CDC25B: variants seen among roughly 807,000 people sequenced by gnomAD.
CDC25B encodes cell division cycle 25B, also known as M-phase inducer phosphatase 2.
CDC25B carries 33 observed loss-of-function variants against 69.8 expected under a neutral mutation model. The observed-to-expected ratio is 0.47, with a 90% confidence interval of 0.36 to 0.63. The LOEUF is 0.63. CDC25B is among the 30% of genes least tolerant of loss of function. CDC25B has a pLI of 0.00. For synonymous variants in CDC25B, 341 were observed against 314.6 expected, an observed-to-expected ratio of 1.08 and a Z score of -0.89; for missense variants, 727 against 809.1, an observed-to-expected ratio of 0.90 and a Z score of 1.23.
chr20:3,797,617 C>T lies in CDC25B; in HGVS notation c.201-5C>T, dbSNP rs1323879631. On this transcript the variant is annotated splice_region_variant and splice_polypyrimidine_tract_variant and intron_variant, in intron 1 of 15. Coordinates refer to ENST00000245960, the MANE Select transcript of CDC25B (RefSeq NM_021873.4). ...TCCTTTCCCGGGTCCCTGTTCCCTT[C>T]CCAGCGAAACCCCAAAGAGTCAGGT... The T allele has an allele frequency of 6.2e-7, 1 of 1,614,054 alleles. No individual in the cohort carries two copies. The highest frequency in any genetic ancestry group is 2.2e-5 in the East Asian group (1 of 44,882).
chr20:3,804,878 C>T lies in CDC25B; in HGVS notation c.1660C>T (p.Leu554=), dbSNP rs1475866511. 1 of 1,614,214 alleles carries T rather than the reference C, an allele frequency of 6.2e-7. No homozygotes were observed. Among genetic ancestry groups the T allele is most frequent in the African/African-American group, 1.3e-5 (1 of 75,076 alleles). Residue 554 remains leucine, a synonymous_variant, in exon 16 of 16, where the codon CTA becomes TTA. Transcript: ENST00000245960. ...GAACCACGAGGCCTTCAAGGATGAGCTAAAGACCTTCCGCCTCAAGACTCG... is the reference window on the plus strand; with the variant it reads ...GAACCACGAGGCCTTCAAGGATGAGTTAAAGACCTTCCGCCTCAAGACTCG... ...PMNHEAFKDE[L]KTFRLKTRSW...
chr20:3,788,160 A>AAGAAAGAC (rs2088856264), intron 1 of CDC25B, among the ~76,000 whole-genome samples: 1 of 151,686 alleles, frequency 6.6e-6, no homozygotes. Flanking sequence ...GAAAGAAAGA[A>AAGAAAGAC]AGAACCAAAT....
Position 3,796,433 on chromosome 20 carries a change from C to T in CDC25B, c.-99C>T. On this transcript the variant is annotated 5_prime_UTR_variant, in exon 1 of 16. Transcript: ENST00000245960. ...CCTCCCTCCTTCCCCCCCCCCCCAC[C>T]CCTCGCCCGCTGCCTCCCTCGGCCC... 1 of 511,500 alleles carries T rather than the reference C, an allele frequency of 2.0e-6. No individual in the cohort carries two copies. Among genetic ancestry groups the T allele is most frequent in the Middle Eastern group, 9.5e-4 (1 of 1,056 alleles). 31.7% of individuals were successfully genotyped at this position (511,500 alleles called of 1,614,324 possible).
chr20:3,797,649 C>A lies in CDC25B; in HGVS notation c.228C>A (p.Thr76=), dbSNP rs2089108761. 2 of 1,614,060 alleles carry A rather than the reference C, an allele frequency of 1.2e-6. No individual in the cohort carries two copies. The highest frequency in any genetic ancestry group is 8.5e-7 in the Non-Finnish European group (1 of 1,180,036). ...GSETPKSQVG[T]LLFRSRSRLT... ...AAACCCCAAAGAGTCAGGTAGGGAC[C>A]CTGCTCTTCCGCAGCCGCAGCCGCC... The change falls in exon 2 of 16, where the codon ACC becomes ACA. Residue 76 remains threonine, a synonymous_variant. Coordinates refer to ENST00000245960, the MANE Select transcript of CDC25B (RefSeq NM_021873.4).
chr20:3,788,741 CTTGT>C (rs1047107080), intron 1 of CDC25B, among the ~76,000 whole-genome samples: 12 of 151,778 alleles, frequency 7.9e-5, no homozygotes, highest in African/African-American at 2.7e-4. Flanking sequence ...CATCCTTTTC[CTTGT>C]TTCTTTCCTT....
At chr20:3,800,222 C>T in intron 3 of CDC25B, 66 bp from the exon 4 acceptor site, 4 of 1,523,152 alleles carry the variant, frequency 2.6e-6, no homozygotes, top group Non-Finnish European at 3.6e-6. Context: ...GACTGGGGGC[C>T]TGGTGCTGGG....
chr20:3,802,984 T>A lies in CDC25B; in HGVS notation c.1257+12T>A. ...TCTCACCAGAAACGGTAAACAGCGT[T>A]GCGTCATTTTCTAGGCAGATTTGGG... On this transcript the variant is annotated intron_variant, in intron 12 of 15. Transcript: ENST00000245960. The A allele has an allele frequency of 6.2e-7, 1 of 1,612,996 alleles. No homozygotes were observed. The highest frequency in any genetic ancestry group is 8.5e-7 in the Non-Finnish European group (1 of 1,179,006).
chr20:3,794,443 A>G (rs1399229714), upstream of CDC25B, among the ~76,000 whole-genome samples: 4 of 115,192 alleles, frequency 3.5e-5, no homozygotes, highest in Non-Finnish European at 6.7e-5. Context: ...CCCTGTGCAG[A>G]TGTATATTGG....
chr20:3,791,746 G>A (rs1363705339), upstream of CDC25B, among the ~76,000 whole-genome samples: 2 of 152,138 alleles, frequency 1.3e-5, no homozygotes, highest in Admixed American at 1.3e-4. Flanking sequence ...AATTCATCTT[G>A]TAGATAGCAC....
intron 3 of CDC25B, 82 bp from the exon 4 acceptor site, chr20:3,800,206 C>A (rs2089223524): frequency 1.8e-6 from 1 of 565,466 alleles, no homozygotes. Context: ...CCCTTACTCC[C>A]CCCTGGACTG....
In CDC25B at chr20:3,801,736, T is replaced by C; in HGVS notation, c.855T>C (p.Val285=). The stretch of plus-strand genomic sequence containing the variant: ...TCTGGCCTCAGGATGATGATGCAGT[T>C]CCCCCAGGCATGGAGAGTCTCATTA... The part of the protein sequence containing the change: ...LESDLKDDDA[V]PPGMESLISA... The change falls in exon 9 of 16, where the codon GTT becomes GTC. Residue 285 remains valine (V), a synonymous_variant. Transcript: ENST00000245960. 6.2e-7 allele frequency: 1 copy of C among 1,603,476 alleles called. No individual in the cohort carries two copies. Among genetic ancestry groups the C allele is most frequent in the Non-Finnish European group, 8.5e-7 (1 of 1,175,704 alleles).
At chr20:3,792,295 T>C (rs1304498365), upstream of CDC25B, among the ~76,000 whole-genome samples, 2 of 151,758 alleles carry the variant, frequency 1.3e-5, no homozygotes, top group East Asian at 3.9e-4. Flanking sequence ...CTGCAGCCAC[T>C]AACCCTAAGT....
Position 3,800,985 on chromosome 20 carries a change from C to A in CDC25B, c.597C>A (p.Phe199Leu). The change falls in exon 7 of 16, where the codon TTC (phenylalanine) becomes TTA (leucine). Residue 199 changes from phenylalanine (F) to leucine (L), a missense_variant. Transcript: ENST00000245960. ...CTTGGCTGCAGGATGGATTTGTCTT[C>A]AAGATGCCATGGAAGCCCACACATC... ...GEDKENDGFVFKMPWKPTHPS... is the reference protein window; with the variant it reads ...GEDKENDGFVLKMPWKPTHPS... 1 of 1,614,024 alleles carries A rather than the reference C, an allele frequency of 6.2e-7. No individual in the cohort carries two copies. The highest frequency in any genetic ancestry group is 8.5e-7 in the Non-Finnish European group (1 of 1,179,898).
chr20:3,798,332 T>C, intron 2 of CDC25B, 80 bp from the exon 3 acceptor site: 1 of 713,108 alleles, frequency 1.4e-6, no homozygotes, highest in Non-Finnish European at 2.1e-6. Context: ...TTTTTTTTTT[T>C]TTTTTCATAT....
At chr20:3,797,842 A>C in intron 2 of CDC25B, 93 bp downstream of exon 2, 1 of 1,487,178 alleles carries the variant, frequency 6.7e-7, no homozygotes, top group African/African-American at 1.4e-5. Flanking sequence ...GATCAAACTA[A>C]CATCCTCCCC....
upstream of CDC25B, among the ~76,000 whole-genome samples, chr20:3,795,199 A>T (rs1464574185): frequency 6.6e-6 from 1 of 152,066 alleles, no homozygotes; most frequent in Non-Finnish European, 1.5e-5. Flanking sequence ...CGTCTCTACT[A>T]AAAATACAAA....
At chr20:3,793,372 G>A (rs984736484), upstream of CDC25B, among the ~76,000 whole-genome samples, 7 of 151,972 alleles carry the variant, frequency 4.6e-5, no homozygotes, top group African/African-American at 1.5e-4. Context: ...CAGGAAAATC[G>A]CTTGAACCCA....
At position 3,800,848 on chromosome 20, in the gene CDC25B, G is replaced by A; in HGVS notation, c.565G>A (p.Gly189Arg). ...GGGCAGTGGAGCTGCCAGCAGCTCT[G>A]GGGAAGACAAGGAGAATGTGCGCTT... ...EAGSGAASSS[G>R]EDKENDGFVF... The change falls in exon 6 of 16, where the codon GGG becomes AGG. Residue 189 changes from glycine (G) to arginine (R), a missense_variant. By Grantham distance (125) the Gly-to-Arg change is moderately radical. This residue lies in a region of CDC25B where 368 missense variants were observed against 345.6 expected (regional missense o/e 1.06). Transcript: ENST00000245960. 1 of 1,613,798 alleles carries A rather than the reference G, an allele frequency of 6.2e-7. No individual in the cohort carries two copies. The highest frequency in any genetic ancestry group is 8.5e-7 in the Non-Finnish European group (1 of 1,180,016).
At chr20:3,797,524 C>T (rs1249638215) in intron 1 of CDC25B, 98 bp from the exon 2 acceptor site, 5 of 1,462,092 alleles carry the variant, frequency 3.4e-6, no homozygotes, top group East Asian at 2.3e-5. Context: ...GTGTTTCGCT[C>T]AGTTCTTTTC....
Sources: allele counts gnomAD v4.1 joint callset (sites outside exome capture counted in the v4.1 genomes callset), GRCh38; gene constraint gnomAD v4.1.1; regional missense constraint gnomAD v4.1.1; transcripts MANE v1.5; gene names NCBI Gene and HGNC (gene_info 2026-07-23, HGNC 2026-07-21).